EDA: variants seen among roughly 807,000 people sequenced by gnomAD.
The protein encoded by EDA is ectodysplasin A.
A neutral mutation model predicts 23.6 loss-of-function variants in EDA; 2 were observed. That is an observed-to-expected ratio of 0.08 (90% confidence interval 0.03 to 0.27). The LOEUF is 0.27. Ranked by LOEUF, EDA falls within the 10% of genes least tolerant of loss-of-function variation. The probability of loss-of-function intolerance (pLI) is 1.00; values close to 1 mark genes in which losing one functional copy is unlikely to be tolerated. For synonymous variants in EDA, 131 were observed against 132.0 expected (o/e 0.99, Z 0.05); for missense variants, 229 against 324.2 (o/e 0.71, Z 2.26).
In EDA at chrX:69,992,570, C is replaced by G. The variant is rs774912711; in HGVS notation, c.503-30648C>G. On this transcript the variant is annotated intron_variant, in intron 2 of 7. Transcript: ENST00000374552. Reference sequence around the variant, plus strand: ...CTCCTGTTGGTGGACAATGAGGTTTCCATTTCTCTCTATTACAAACAATGC... The same window carrying G: ...CTCCTGTTGGTGGACAATGAGGTTTGCATTTCTCTCTATTACAAACAATGC... 6.2e-5 allele frequency among the ~76,000 whole-genome samples: 7 copies of G among 112,121 alleles called. 1 individual carries two copies. The highest frequency in any genetic ancestry group is 1.3e-4 in the Non-Finnish European group (7 of 53,240).
chrX:69,962,191 T>C (rs2019111838), intron 2 of EDA, among the ~76,000 whole-genome samples: 1 of 111,838 alleles, frequency 8.9e-6, no homozygotes, highest in Non-Finnish European at 1.9e-5. Flanking sequence ...CTTCCATGTT[T>C]CCGTCCTGGT....
At position 69,943,960 on chromosome X, in the gene EDA, C is replaced by T. The variant is rs188995668; in HGVS notation, c.397-13067C>T. The stretch of plus-strand genomic sequence containing the variant: ...TCTCTCCCTGTGGCTACCACTGCCT[C>T]AGGCCCATGGTGAGTACTGCCTGGC... On this transcript the variant is annotated intron_variant, in intron 1 of 7. Transcript: ENST00000374552. Among the ~76,000 whole-genome samples, 278 of 108,898 alleles carry T rather than the reference C, an allele frequency of 2.6e-3. 1 individual carries two copies. Among genetic ancestry groups the T allele is most frequent in the Non-Finnish European group, 3.0e-3 (156 of 52,460 alleles). 94.6% of individuals were successfully genotyped at this position (108,898 alleles called of 115,157 possible). A position where few individuals can be genotyped will look rare whatever the true frequency, so the allele number is the denominator to read the frequency against.
At chrX:69,628,136 C>A (rs1033504924) in intron 1 of EDA, among the ~76,000 whole-genome samples, 2 of 112,023 alleles carry the variant, frequency 1.8e-5, no homozygotes, top group Non-Finnish European at 3.8e-5. Context: ...GAATTTTATT[C>A]TGTGGTTTGT....
At chrX:69,851,493 T>C (rs1483051677) in intron 1 of EDA, among the ~76,000 whole-genome samples, 1 of 112,545 alleles carries the variant, frequency 8.9e-6, no homozygotes, top group East Asian at 2.8e-4. Flanking sequence ...TTCACCTATG[T>C]GTGCATCTGT....
At chrX:69,898,229 A>G (rs2147639986) in intron 1 of EDA, among the ~76,000 whole-genome samples, 1 of 111,922 alleles carries the variant, frequency 8.9e-6, no homozygotes, top group African/African-American at 3.2e-5. Flanking sequence ...TTGTGGTAAA[A>G]ATGCATAAAG....
At chrX:70,020,181 G>A in intron 2 of EDA, among the ~76,000 whole-genome samples, 1 of 111,865 alleles carries the variant, frequency 8.9e-6, no homozygotes, top group South Asian at 3.7e-4. Flanking sequence ...CTACATGTAA[G>A]GAAAGCTTTT....
chrX:69,786,710 A>C (rs1370017165), intron 1 of EDA, among the ~76,000 whole-genome samples: 1 of 109,182 alleles, frequency 9.2e-6, no homozygotes, highest in East Asian at 2.8e-4. Context: ...TTTACTTCCA[A>C]GTATGTGGTC....
chrX:69,670,221 C>T (rs1230454608), intron 1 of EDA: 1 of 202,003 alleles, frequency 5.0e-6, no homozygotes, highest in African/African-American at 4.4e-5. Context: ...ACTTTGACTA[C>T]ATCATTTCAT....
At chrX:69,634,836 G>A (rs1446534117) in intron 1 of EDA, among the ~76,000 whole-genome samples, 1 of 111,904 alleles carries the variant, frequency 8.9e-6, no homozygotes, top group African/African-American at 3.3e-5. Context: ...TTATAATGGA[G>A]GTGAACAATT....
intron 2 of EDA, among the ~76,000 whole-genome samples, chrX:69,960,130 T>C (rs1256847798): frequency 1.8e-5 from 2 of 111,375 alleles, no homozygotes; most frequent in Non-Finnish European, 3.8e-5. Flanking sequence ...GGCTGCTGTA[T>C]TGAAAATAGG....
intron 2 of EDA, among the ~76,000 whole-genome samples, chrX:69,990,909 A>G (rs1362875586): frequency 9.0e-6 from 1 of 110,535 alleles, no homozygotes; most frequent in Admixed American, 9.6e-5. Context: ...CAGATTGAGT[A>G]AACTATATTC....
Position 69,663,233 on chromosome X carries a change from C to T in EDA, c.396+46529C>T, listed in dbSNP as rs529227095. On this transcript the variant is annotated intron_variant, in intron 1 of 7. Transcript: ENST00000374552. The stretch of plus-strand genomic sequence containing the variant: ...TCAGAGGTTTCCACGGCAGCCCCTG[C>T]CCTCACAAGCCCAAGGCATAAGAGG... Among the ~76,000 whole-genome samples the T allele has an allele frequency of 1.3e-4, 15 of 112,032 alleles. No individual in the cohort carries two copies. The South Asian group carries it at 5.2e-3, about 39-fold the overall frequency.
chrX:69,724,248 A>G (rs986116737), intron 1 of EDA, among the ~76,000 whole-genome samples: 1 of 111,530 alleles, frequency 9.0e-6, no homozygotes, highest in Non-Finnish European at 1.9e-5. Flanking sequence ...ATGTTCCACT[A>G]TAGAATTGTA....
At chrX:69,652,735 T>G (rs1438667686) in intron 1 of EDA, among the ~76,000 whole-genome samples, 2 of 112,142 alleles carry the variant, frequency 1.8e-5, no homozygotes, top group East Asian at 5.6e-4. Context: ...CATAAATATC[T>G]TAAGAAATAA....
chrX:69,802,152 A>G (rs1344689155), intron 1 of EDA, among the ~76,000 whole-genome samples: 3 of 110,825 alleles, frequency 2.7e-5, no homozygotes, highest in East Asian at 2.8e-4. Flanking sequence ...TATATTAAAT[A>G]TACAGTGAAT....
chrX:69,639,004 C>T (rs1195473285), intron 1 of EDA, among the ~76,000 whole-genome samples: 1 of 108,860 alleles, frequency 9.2e-6, no homozygotes, highest in Non-Finnish European at 1.9e-5. Flanking sequence ...CTCTAAATAC[C>T]TCATGTAAGT....
At chrX:69,760,829 TAA>T (rs2014286882) in intron 1 of EDA, among the ~76,000 whole-genome samples, 1 of 111,599 alleles carries the variant, frequency 9.0e-6, no homozygotes, top group South Asian at 3.7e-4. Flanking sequence ...CAGGTGTCTA[TAA>T]GGTAAAAATG....
At chrX:69,648,492 G>A (rs1769482745) in intron 1 of EDA, among the ~76,000 whole-genome samples, 1 of 112,539 alleles carries the variant, frequency 8.9e-6, no homozygotes, top group Non-Finnish European at 1.9e-5. Flanking sequence ...AGGCAGCTGT[G>A]CTGCGCTGTG....
intron 1 of EDA, among the ~76,000 whole-genome samples, chrX:69,811,263 A>G (rs2015950126): frequency 8.9e-6 from 1 of 112,557 alleles, no homozygotes; most frequent in Non-Finnish European, 1.9e-5. Flanking sequence ...CCTAGCATCA[A>G]TCATGCCTTA....
Sources: gnomAD v4.1 joint callset for allele counts (sites outside exome capture counted in the v4.1 genomes callset) on GRCh38, gnomAD v4.1.1 for gene constraint, MANE v1.5 for transcripts, NCBI Gene and HGNC (gene_info 2026-07-23, HGNC 2026-07-21) for gene names.